STK31: variants seen among roughly 807,000 people sequenced by gnomAD.
STK31 encodes serine/threonine kinase 31.
Under a neutral mutation model 129.7 loss-of-function variants are expected in STK31, and 89 were observed. That is an observed-to-expected ratio of 0.69 (90% CI 0.58 to 0.82). The LOEUF (loss-of-function observed/expected upper bound fraction) is 0.82. STK31 is among the 40% of genes least tolerant of loss of function. STK31 has a pLI of 0.00. For synonymous variants in STK31, 448 were observed against 395.3 expected (o/e 1.13, Z -1.58); for missense variants, 1,187 against 1,176.4 (o/e 1.01, Z -0.13).
chr7:23,717,357 T>C (rs1786406904), intron 3 of STK31, 124 bp from the exon 4 acceptor site: 1 of 548,752 alleles, frequency 1.8e-6, no homozygotes, highest in African/African-American at 2.0e-5. Flanking sequence ...AATACAGGCA[T>C]AAGAAGTTGA....
intron 6 of STK31, among the ~76,000 whole-genome samples, chr7:23,730,878 A>ATATATATATATATTTTTT: frequency 1.3e-4 from 8 of 59,530 alleles, no homozygotes; most frequent in South Asian, 1.6e-3. Context: ...ATATATATAT[A>ATATATATATATATTTTTT]TTTTTTTTTT....
chr7:23,787,915 G>A (rs1387984281), intron 20 of STK31, 65 bp from the exon 21 acceptor site: 3 of 1,415,736 alleles, frequency 2.1e-6, no homozygotes, highest in Non-Finnish European at 1.9e-6. Flanking sequence ...TTTAATTAGA[G>A]AACAGTTTCA....
intron 6 of STK31, among the ~76,000 whole-genome samples, chr7:23,731,534 T>G (rs1238191717): frequency 6.6e-6 from 1 of 152,208 alleles, no homozygotes; most frequent in Admixed American, 6.5e-5. Flanking sequence ...TTAGTTTATC[T>G]AACATTTGAA....
chr7:23,825,751 C>T (rs2128132214), intron 23 of STK31, among the ~76,000 whole-genome samples: 2 of 152,060 alleles, frequency 1.3e-5, no homozygotes, highest in East Asian at 1.9e-4. Context: ...TATACATTTC[C>T]CTCTACACAC....
At position 23,712,138 on chromosome 7, in the gene STK31, C is replaced by T. The variant is rs780728026; in HGVS notation, c.90C>T (p.Tyr30=). The T allele has an allele frequency of 9.3e-6, 15 of 1,612,288 alleles. No individual in the cohort carries two copies. The highest frequency in any genetic ancestry group is 2.2e-5 in the South Asian group (2 of 91,034). ...TTCAAATGGATGAAGATACACATTA[C>T]GATAAAGGTACTGACACTAAAAATT... ...GIVQMDEDTH[Y]DKVEDVVGSH... Residue 30 remains tyrosine, a synonymous_variant, in exon 2 of 24, where the codon TAC becomes TAT. Transcript: ENST00000355870.
At chr7:23,806,676 G>A (rs969006980) in intron 22 of STK31, among the ~76,000 whole-genome samples, 7 of 152,158 alleles carry the variant, frequency 4.6e-5, no homozygotes, top group South Asian at 2.1e-4. Context: ...CGAGGCGGGT[G>A]GATCACGAGG....
chr7:23,807,688 T>G (rs1792794973), intron 22 of STK31, among the ~76,000 whole-genome samples: 1 of 152,060 alleles, frequency 6.6e-6, no homozygotes, highest in Middle Eastern at 3.2e-3. Context: ...TTTTCTGTCT[T>G]TTATTGTCTC....
intron 21 of STK31, among the ~76,000 whole-genome samples, chr7:23,790,558 C>A (rs908294146): frequency 5.9e-5 from 9 of 152,036 alleles, no homozygotes; most frequent in Non-Finnish European, 1.2e-4. Context: ...AAAAGAGTAT[C>A]AAATGTTTAA....
rs1788910333 is a variant in STK31 at position 23,754,282 on chromosome 7, T to C, written c.1134-33T>C. On this transcript the variant is annotated intron_variant, in intron 9 of 23. Transcript: ENST00000355870. ...TTCTCACACCAGCTTTCTAATTTAT[T>C]GATCTTCTTCTTTTTGATGTTTTTA... 2.5e-6 allele frequency: 4 copies of C among 1,593,310 alleles called. No individual in the cohort carries two copies. The East Asian group carries it at 9.0e-5, about 36-fold the overall frequency.
At chr7:23,775,641 G>T (rs968450084) in intron 15 of STK31, among the ~76,000 whole-genome samples, 1 of 152,028 alleles carries the variant, frequency 6.6e-6, no homozygotes, top group Non-Finnish European at 1.5e-5. Context: ...GCCTATTATT[G>T]GTGTATAGGA....
chr7:23,713,657 A>G (rs1786114122), intron 3 of STK31, among the ~76,000 whole-genome samples: 1 of 152,052 alleles, frequency 6.6e-6, no homozygotes, highest in Non-Finnish European at 1.5e-5. Flanking sequence ...TTTTTGGTTA[A>G]AAACGAAGAC....
At chr7:23,767,431 A>T (rs1483608727) in intron 11 of STK31, among the ~76,000 whole-genome samples, 1 of 152,128 alleles carries the variant, frequency 6.6e-6, no homozygotes, top group Non-Finnish European at 1.5e-5. Context: ...TTTTATTTTT[A>T]AGGGTCTAGC....
chr7:23,769,684 A>C lies in STK31; in HGVS notation c.1641A>C (p.Ala547=). Residue 547 remains alanine, a synonymous_variant, in exon 13 of 24, where the codon GCA becomes GCC. Coordinates refer to ENST00000355870, the MANE Select transcript of STK31 (RefSeq NM_031414.5). ...AAGGATCACTGATTTCAGAAGACGC[A>C]ATGGATAATATTGATGAAATCCTAG... The part of the protein sequence containing the change: ...SVEGSLISED[A]MDNIDEILEK... 1 of 1,612,140 alleles carries C rather than the reference A, an allele frequency of 6.2e-7. No individual in the cohort carries two copies. Among genetic ancestry groups the C allele is most frequent in the Admixed American group, 1.7e-5 (1 of 59,940 alleles).
intron 15 of STK31, among the ~76,000 whole-genome samples, chr7:23,779,192 A>G (rs1366655640): frequency 6.6e-6 from 1 of 152,146 alleles, no homozygotes; most frequent in Non-Finnish European, 1.5e-5. Context: ...AAAGATTGCT[A>G]CATGTCCCTT....
intron 1 of STK31, among the ~76,000 whole-genome samples, chr7:23,710,931 AG>A (rs963321053): frequency 2.0e-5 from 3 of 152,234 alleles, no homozygotes; most frequent in Non-Finnish European, 2.9e-5. Flanking sequence ...CTTTTCAGTC[AG>A]TTGAATTTAA....
chr7:23,710,627 C>G (rs1222328815), intron 1 of STK31: 9 of 1,247,152 alleles, frequency 7.2e-6, no homozygotes, highest in Non-Finnish European at 9.1e-6. Context: ...ATTTAAGTTT[C>G]AAAATCCCTT....
At chr7:23,752,529 C>T (rs1022428752) in intron 8 of STK31, among the ~76,000 whole-genome samples, 188 bp from the exon 9 acceptor site, 4 of 151,930 alleles carry the variant, frequency 2.6e-5, no homozygotes, top group Admixed American at 6.6e-5. Context: ...TTCGTAGAGA[C>T]GGGGTTTTGC....
chr7:23,729,240 G>C lies in STK31; in HGVS notation c.474G>C (p.Gln158His), dbSNP rs761427916. Residue 158 changes from glutamine (Q) to histidine (H), a missense_variant, in exon 6 of 24, where the codon CAG becomes CAC. Gln to His is a conservative substitution (Grantham distance 24). Transcript: ENST00000355870. ...LHIPSDQEVT[Q>H]FDQGTTFLGS... ...TTCCTTCTGATCAAGAAGTTACCCA[G>C]TTTGATCAGGCAAGTCACGTATTTT... The C allele has an allele frequency of 1.8e-5, 28 of 1,595,386 alleles. No homozygotes were observed. The highest frequency in any genetic ancestry group is 2.4e-5 in the Non-Finnish European group (28 of 1,174,350).
At chr7:23,780,772 G>C (rs1330549798) in intron 15 of STK31, among the ~76,000 whole-genome samples, 1 of 152,194 alleles carries the variant, frequency 6.6e-6, no homozygotes, top group Non-Finnish European at 1.5e-5. Context: ...TTAGGGTGAA[G>C]ATCCTGAGAC....
Sources: gnomAD v4.1 joint callset for allele counts (sites outside exome capture counted in the v4.1 genomes callset) on GRCh38, gnomAD v4.1.1 for gene constraint, MANE v1.5 for transcripts, NCBI Gene and HGNC (gene_info 2026-07-23, HGNC 2026-07-21) for gene names.